MYH13: variants seen among roughly 807,000 people sequenced by gnomAD.
MYH13 encodes the protein myosin-13.
A neutral mutation model predicts 232.1 loss-of-function variants in MYH13; 177 were observed. The ratio of observed to expected loss-of-function variants is 0.76; its 90% CI spans 0.67 to 0.86. MYH13 has a LOEUF of 0.86. MYH13 is among the 40% of genes least tolerant of loss of function. MYH13 has a pLI of 0.00. For missense variants in MYH13, 2,246 were observed against 2,405.9 expected (o/e 0.93, Z 1.39); for synonymous variants, 884 against 923.5 (o/e 0.96, Z 0.78).
intron 22 of MYH13, among the ~76,000 whole-genome samples, 199 bp downstream of exon 22, chr17:10,327,667 A>G (rs532364772): frequency 2.0e-5 from 3 of 152,132 alleles, no homozygotes; most frequent in East Asian, 3.9e-4. Flanking sequence ...CTTTGCAGAC[A>G]TAATTTCCGG....
chr17:10,327,746 C>A (rs1375117293), intron 22 of MYH13, 120 bp downstream of exon 22: 4 of 1,298,180 alleles, frequency 3.1e-6, no homozygotes, highest in Admixed American at 2.5e-5. Context: ...CAATACTCCA[C>A]ATGACCACTG....
Position 10,312,655 on chromosome 17 carries a change from C to T in MYH13, c.4284G>A (p.Glu1428=). 1 of 1,613,478 alleles carries T rather than the reference C, an allele frequency of 6.2e-7. No homozygotes were observed. The highest frequency in any genetic ancestry group is 8.5e-7 in the Non-Finnish European group (1 of 1,179,734). ...CCAGATCCCGCATCAGATCCTCCAC[C>T]TCTCCCTGCAGCCTCTGCTTGGTTT... ...LEKTKQRLQG[E]VEDLMRDLER... The change falls in exon 31 of 41, where the codon GAG becomes GAA. Residue 1428 remains glutamate (E), a synonymous_variant. Transcript: ENST00000252172.
intron 11 of MYH13, among the ~76,000 whole-genome samples, chr17:10,353,389 A>G (rs762627235): frequency 6.6e-6 from 1 of 152,210 alleles, no homozygotes; most frequent in Non-Finnish European, 1.5e-5. Flanking sequence ...AAATGTCACC[A>G]AATGAAGGCT....
In MYH13 at chr17:10,303,278, T is replaced by C. The variant is rs3744550; in HGVS notation, c.5585A>G (p.His1862Arg). Residue 1862 changes from histidine to arginine, a missense_variant, in exon 39 of 41, where the codon CAC becomes CGC. Transcript: ENST00000252172. ...GTCCTGGAGCCTAAGGATATTCTTG[T>C]GGTCCTCCTCAGCCTGCAAACAGAG... ...KEMTYQAEED[H>R]KNILRLQDLV... 0.093 allele frequency: 149,885 copies of C among 1,613,780 alleles called. 9,690 individuals are homozygous for C. The highest frequency in any genetic ancestry group is 0.32 in the East Asian group (14,380 of 44,826).
chr17:10,355,474 A>T (rs2071742107), intron 8 of MYH13, among the ~76,000 whole-genome samples: 1 of 152,192 alleles, frequency 6.6e-6, no homozygotes, highest in Non-Finnish European at 1.5e-5. Context: ...CTGTCCGTAA[A>T]CAAACAAATA....
Position 10,322,466 on chromosome 17 carries a change from G to C in MYH13, c.2935-758C>G, listed in dbSNP as rs576873611. On this transcript the variant is annotated intron_variant, in intron 23 of 40. Transcript: ENST00000252172. ...GCTGTGTTATCAGGAAGCAGGAGGA[G>C]GGCACCCAACACGGAACTTGAAGGA... Among the ~76,000 whole-genome samples the C allele has an allele frequency of 1.1e-4, 17 of 152,204 alleles. No individual in the cohort carries two copies. The Middle Eastern group carries it at 0.01, about 91-fold the overall frequency.
Position 10,345,606 on chromosome 17 carries a change from G to T in MYH13, c.1274C>A (p.Ser425Ter), listed in dbSNP as rs777878400. 1.1e-5 allele frequency: 17 copies of T among 1,614,028 alleles called. No individual in the cohort carries two copies. The highest frequency in any genetic ancestry group is 1.7e-6 in the Non-Finnish European group (2 of 1,180,040). The change falls in exon 14 of 41, where the codon TCG becomes TAG. Residue 425 changes from serine (S) to a stop codon, truncating the protein, a stop_gained. Coordinates refer to ENST00000252172, the MANE Select transcript of MYH13 (RefSeq NM_003802.3). LOFTEE classifies it high-confidence loss of function. Reference sequence around the variant, plus strand: ...GACGGCTTTGGCCAGAGCACCCACCGAATTGGTCACCTTGAAAAAGGATCA... The same window carrying T: ...GACGGCTTTGGCCAGAGCACCCACCTAATTGGTCACCTTGAAAAAGGATCA... ...KGQNVQQVTN[S>*]VGALAKAVYE...
intron 13 of MYH13, among the ~76,000 whole-genome samples, chr17:10,346,073 C>A (rs1336662293): frequency 6.6e-6 from 1 of 150,386 alleles, no homozygotes; most frequent in Non-Finnish European, 1.5e-5. Context: ...TCATTCAATG[C>A]AATATTAAAT....
chr17:10,318,763 C>T, intron 27 of MYH13, 27 bp downstream of exon 27: 2 of 1,612,568 alleles, frequency 1.2e-6, no homozygotes, highest in South Asian at 1.1e-5. Context: ...CTTGCATTCT[C>T]CAAGAGCAGA....
At chr17:10,308,298 T>C (rs1164691090) in intron 35 of MYH13, among the ~76,000 whole-genome samples, 1 of 143,162 alleles carries the variant, frequency 7.0e-6, no homozygotes, top group East Asian at 2.1e-4. Flanking sequence ...CACTCCAGCC[T>C]GGCGACAGAA....
intron 18 of MYH13, among the ~76,000 whole-genome samples, chr17:10,338,128 C>T (rs554227386): frequency 1.2e-4 from 19 of 152,310 alleles, no homozygotes; most frequent in African/African-American, 4.6e-4. Flanking sequence ...CATCCCCCAC[C>T]ACCTTGCAGG....
chr17:10,318,993 G>A lies in MYH13; in HGVS notation c.3535C>T (p.Arg1179Cys), dbSNP rs200861648. 7.4e-4 allele frequency: 1,190 copies of A among 1,614,058 alleles called. 2 individuals are homozygous for A. The highest frequency in any genetic ancestry group is 9.2e-4 in the Non-Finnish European group (1,088 of 1,180,030). ...KKREAEFQKM[R>C]RDLEEATLQH... The stretch of plus-strand genomic sequence containing the variant: ...AGGGTGGCCTCCTCCAGGTCCCTGC[G>A]CATTTTCTGGAACTCAGCCTCCCTC... The change falls in exon 27 of 41, where the codon CGC becomes TGC. Residue 1179 changes from arginine (R) to cysteine (C), a missense_variant. Transcript: ENST00000252172.
At chr17:10,305,205 G>C (rs1055367599) in intron 37 of MYH13, among the ~76,000 whole-genome samples, 16 of 152,218 alleles carry the variant, frequency 1.1e-4, no homozygotes, top group Admixed American at 1.0e-3. Flanking sequence ...GCCTCACCAT[G>C]GGAGGGGGAG....
At chr17:10,354,630 A>G (rs2071734310) in intron 11 of MYH13, 50 bp downstream of exon 11, 1 of 1,537,286 alleles carries the variant, frequency 6.5e-7, no homozygotes, top group African/African-American at 1.4e-5. Flanking sequence ...CTCTCAGTTC[A>G]TAAACTCAAT....
At position 10,332,010 on chromosome 17, in the gene MYH13, AAGG is replaced by A. The variant is rs1214563905; in HGVS notation, c.2298+86_2298+88del. ...GGGCAAGGACGGTCAGGTGGACCAA[AAGG>A]AGAAGGGGACCCTTTTTCTGATCAG... On this transcript the variant is annotated intron_variant, in intron 20 of 40. Transcript: ENST00000252172. 3 of 1,547,622 alleles carry A rather than the reference AAGG, an allele frequency of 1.9e-6. No homozygotes were observed. In the East Asian group the frequency reaches 6.9e-5, roughly 35 times the overall value.
intron 1 of MYH13, among the ~76,000 whole-genome samples, chr17:10,371,891 G>A (rs34238839): frequency 6.6e-6 from 1 of 152,142 alleles, no homozygotes; most frequent in Non-Finnish European, 1.5e-5. Flanking sequence ...CTGGGACTAA[G>A]GAATCTCAGC....
intron 23 of MYH13, among the ~76,000 whole-genome samples, chr17:10,323,193 T>C (rs533900120): frequency 6.2e-4 from 94 of 152,236 alleles, no homozygotes; most frequent in South Asian, 2.1e-3. Context: ...AGGAGCAGAA[T>C]TGCTGGGTCG....
chr17:10,339,018 C>A (rs1450991588), intron 18 of MYH13, among the ~76,000 whole-genome samples: 1 of 152,146 alleles, frequency 6.6e-6, no homozygotes, highest in African/African-American at 2.4e-5. Context: ...GTTTTATGGA[C>A]AAGAAAGCTG....
intron 15 of MYH13, among the ~76,000 whole-genome samples, chr17:10,344,456 G>A (rs140369774): frequency 0.013 from 2,001 of 152,158 alleles, 19 homozygotes; most frequent in Middle Eastern, 0.075. Context: ...TTTCTCAGTA[G>A]CCACCTTAGG....
Sources: gnomAD v4.1 joint callset for allele counts (sites outside exome capture counted in the v4.1 genomes callset) on GRCh38, gnomAD v4.1.1 for gene constraint, MANE v1.5 for transcripts, NCBI Gene and HGNC (gene_info 2026-07-23, HGNC 2026-07-21) for gene names.